PACRG: variants seen among roughly 807,000 people sequenced by gnomAD.
PACRG encodes the protein parkin coregulated gene protein.
PACRG carries 29 observed loss-of-function variants against 29.7 expected under a neutral mutation model. The ratio of observed to expected loss-of-function variants is 0.98; its 90% CI spans 0.73 to 1.33. The LOEUF is 1.33. Among genes scored for constraint, PACRG ranks in the 40% most tolerant of loss-of-function variants. PACRG has a pLI of 0.00. For missense variants in PACRG, 279 were observed against 316.2 expected, an observed-to-expected ratio of 0.88 and a Z score of 0.89; for synonymous variants, 116 against 118.7, an observed-to-expected ratio of 0.98 and a Z score of 0.15.
intron 2 of PACRG, among the ~76,000 whole-genome samples, chr6:162,973,205 C>G (rs565074691): frequency 1.8e-4 from 27 of 152,150 alleles, no homozygotes; most frequent in Non-Finnish European, 3.8e-4. Flanking sequence ...TCAACTTGGC[C>G]CCAGCACTGA....
At chr6:163,202,406 G>C (rs1259645152) in intron 4 of PACRG, among the ~76,000 whole-genome samples, 2 of 151,896 alleles carry the variant, frequency 1.3e-5, no homozygotes, top group East Asian at 3.9e-4. Flanking sequence ...TGTATGTGGG[G>C]GTGCATATAT....
In PACRG at chr6:163,259,407, G is replaced by C. The variant is rs78118464; in HGVS notation, c.614-55420G>C. ...CATTGCTCCTTTAACATTCAGGCCAGTTAGTGGTATCGTCCTGTGTCCCTC... is the reference window on the plus strand; with the variant it reads ...CATTGCTCCTTTAACATTCAGGCCACTTAGTGGTATCGTCCTGTGTCCCTC... On this transcript the variant is annotated intron_variant, in intron 4 of 4. Coordinates refer to ENST00000366888, the MANE Select transcript of PACRG (RefSeq NM_001080379.2). Among the ~76,000 whole-genome samples the C allele has an allele frequency of 1.4e-3, 207 of 152,298 alleles. No homozygotes were observed. In the Middle Eastern group the frequency reaches 0.02, roughly 15 times the overall value.
intron 2 of PACRG, chr6:163,051,690 C>G (rs994823578): frequency 6.6e-6 from 1 of 152,184 alleles, no homozygotes; most frequent in South Asian, 2.1e-4. Context: ...TCACCAAATG[C>G]TCTGTTTTTC....
intron 1 of PACRG, among the ~76,000 whole-genome samples, chr6:162,732,893 T>A (rs1779883563): frequency 6.6e-6 from 1 of 152,218 alleles, no homozygotes; most frequent in African/African-American, 2.4e-5. Context: ...TCTTGTGTGA[T>A]CTAATCCCAT....
chr6:162,970,282 C>A (rs1472647335), intron 2 of PACRG, among the ~76,000 whole-genome samples: 2 of 152,146 alleles, frequency 1.3e-5, no homozygotes, highest in African/African-American at 4.8e-5. Flanking sequence ...GCTAAGGAGT[C>A]TCTTCCTGAA....
intron 1 of PACRG, among the ~76,000 whole-genome samples, chr6:162,793,141 T>A (rs1785095617): frequency 6.6e-6 from 1 of 152,184 alleles, no homozygotes; most frequent in South Asian, 2.1e-4. Flanking sequence ...CATTTTACAG[T>A]CCATTTTCAA....
intron 2 of PACRG, among the ~76,000 whole-genome samples, chr6:162,947,350 C>G (rs369145834): frequency 2.0e-4 from 1 of 5,008 alleles, no homozygotes; most frequent in Admixed American, 3.7e-3. Context: ...ATAATGATTA[C>G]ATATATATAA....
intron 2 of PACRG, among the ~76,000 whole-genome samples, chr6:162,995,029 G>A (rs1803846929): frequency 6.6e-6 from 1 of 151,210 alleles, no homozygotes; most frequent in African/African-American, 2.5e-5. Context: ...CCCTGCTGGG[G>A]GGTGCCTCCC....
chr6:163,201,210 C>T (rs985658723), intron 4 of PACRG, among the ~76,000 whole-genome samples: 5 of 152,216 alleles, frequency 3.3e-5, no homozygotes, highest in South Asian at 2.1e-4. Context: ...TTGGTGAAAA[C>T]CTTTAATTTA....
chr6:163,174,866 A>C (rs768907372), intron 4 of PACRG, among the ~76,000 whole-genome samples: 4 of 152,062 alleles, frequency 2.6e-5, no homozygotes, highest in Non-Finnish European at 5.9e-5. Context: ...TGTCTCATTG[A>C]GTCCTCACAG....
chr6:163,000,791 G>A (rs1200986997), intron 2 of PACRG, among the ~76,000 whole-genome samples: 1 of 152,192 alleles, frequency 6.6e-6, no homozygotes, highest in African/African-American at 2.4e-5. Context: ...GTTAGAAAAG[G>A]AAGACACAAC....
intron 2 of PACRG, among the ~76,000 whole-genome samples, chr6:162,820,559 A>C (rs2128374361): frequency 6.6e-6 from 1 of 152,314 alleles, no homozygotes; most frequent in Middle Eastern, 3.4e-3. Context: ...ATTTGCTATC[A>C]GAATATTCAC....
chr6:162,826,543 A>G (rs953108965), intron 2 of PACRG, among the ~76,000 whole-genome samples: 1 of 148,990 alleles, frequency 6.7e-6, no homozygotes, highest in African/African-American at 2.5e-5. Flanking sequence ...GGCTCATCGC[A>G]ACCTCTATCA....
intron 4 of PACRG, among the ~76,000 whole-genome samples, chr6:163,304,805 C>A (rs1044457398): frequency 6.6e-6 from 1 of 152,024 alleles, no homozygotes; most frequent in Non-Finnish European, 1.5e-5. Context: ...TGCAAGTGAC[C>A]GGCTTCGTGA....
intron 2 of PACRG, among the ~76,000 whole-genome samples, chr6:162,947,600 ATATATATAAT>A (rs1799265191): frequency 1.3e-5 from 1 of 74,576 alleles, no homozygotes; most frequent in Non-Finnish European, 2.6e-5. Context: ...ATAATCATAT[ATATATATAAT>A]CATATATATA....
chr6:162,938,595 G>A (rs185563655), intron 2 of PACRG, among the ~76,000 whole-genome samples: 4 of 152,054 alleles, frequency 2.6e-5, no homozygotes, highest in African/African-American at 4.8e-5. Flanking sequence ...CAGAGTGGCT[G>A]TACTAGTTTA....
rs755269295 is a variant in PACRG, at chr6:162,908,127, ATACT to A, written c.291+93850_291+93853del. Among the ~76,000 whole-genome samples the A allele has an allele frequency of 2.6e-5, 4 of 152,364 alleles. No individual in the cohort carries two copies. The East Asian group carries it at 7.7e-4, about 29-fold the overall frequency. ...ATTTTTAAGTCATAGGCATATATTA[ATACT>A]TACATAAAGTCATATACCAATTTTA... On this transcript the variant is annotated intron_variant, in intron 2 of 4. Coordinates refer to ENST00000366888, the MANE Select transcript of PACRG (RefSeq NM_001080379.2).
At chr6:162,796,433 C>A (rs1374957081) in intron 1 of PACRG, among the ~76,000 whole-genome samples, 1 of 151,890 alleles carries the variant, frequency 6.6e-6, no homozygotes, top group Non-Finnish European at 1.5e-5. Context: ...TTTCTTTGTT[C>A]ATGTGTATTT....
chr6:163,300,643 A>G (rs937014833), intron 4 of PACRG, among the ~76,000 whole-genome samples: 2 of 152,224 alleles, frequency 1.3e-5, no homozygotes, highest in Admixed American at 6.5e-5. Flanking sequence ...ATTATAACAC[A>G]TGTATTAAGT....
Sources: gnomAD v4.1 joint callset for allele counts (sites outside exome capture counted in the v4.1 genomes callset) on GRCh38, gnomAD v4.1.1 for gene constraint, MANE v1.5 for transcripts, NCBI Gene and HGNC (gene_info 2026-07-23, HGNC 2026-07-21) for gene names.